Variants in NFE2L3 observed in about 807,000 individuals in gnomAD.
NFE2L3 encodes the protein nuclear factor erythroid 2-related factor 3.
A neutral mutation model predicts 23.5 loss-of-function variants in NFE2L3; 18 were observed. That is an observed-to-expected ratio of 0.77 (90% CI 0.53 to 1.13). The LOEUF is 1.13. Ranked by LOEUF, NFE2L3 falls within the 50% of genes most tolerant of loss-of-function variation. The probability of loss-of-function intolerance (pLI) is 0.00; values close to 1 mark genes in which losing one functional copy is unlikely to be tolerated. For synonymous variants in NFE2L3, 424 were observed against 354.5 expected (o/e 1.20, Z -2.20); for missense variants, 1,152 against 877.2 (o/e 1.31, Z -3.96).
chr7:26,153,707 C>T (rs911830367), intron 1 of NFE2L3, among the ~76,000 whole-genome samples: 2 of 152,192 alleles, frequency 1.3e-5, no homozygotes, highest in African/African-American at 2.4e-5. Flanking sequence ...GGTACCTTGG[C>T]AGTCACTTAG....
intron 2 of NFE2L3, among the ~76,000 whole-genome samples, chr7:26,179,838 T>TA (rs1784475379): frequency 6.6e-6 from 1 of 152,226 alleles, no homozygotes; most frequent in Non-Finnish European, 1.5e-5. Flanking sequence ...ATTGTTTCTC[T>TA]TGACCACGCG....
At chr7:26,175,853 C>CTTTTTTT (rs70943276) in intron 1 of NFE2L3, among the ~76,000 whole-genome samples, 26 of 111,574 alleles carry the variant, frequency 2.3e-4, no homozygotes, top group Admixed American at 3.8e-4. Context: ...ATTTTCTTTT[C>CTTTTTTT]TTTTTTTTTT....
chr7:26,164,241 C>A (rs943430412), intron 1 of NFE2L3, among the ~76,000 whole-genome samples: 15 of 152,198 alleles, frequency 9.9e-5, no homozygotes, highest in Non-Finnish European at 2.1e-4. Context: ...CACTGACTTC[C>A]ACAATGGTTG....
rs1434704002 is a variant in NFE2L3 at position 26,185,121 on chromosome 7, CTT to C, written c.1425_1426del (p.Cys476SerfsTer6). On this transcript the variant is annotated frameshift_variant, in exon 4 of 4. Coordinates refer to ENST00000056233, the MANE Select transcript of NFE2L3 (RefSeq NM_004289.7). LOFTEE classifies it low-confidence loss of function (END_TRUNC). ...TGGCTACTACCCAGAACCCAGTAAG[CTT>C]TGTCACTTGGATCAAAGTGATTCTG... ...VGGYYPEPSK[L>X]CHLDQSDSDF... The C allele has an allele frequency of 6.2e-7, 1 of 1,613,900 alleles. No homozygotes were observed. The highest frequency in any genetic ancestry group is 1.1e-5 in the South Asian group (1 of 91,068).
rs756320638 is a variant in NFE2L3, at chr7:26,185,530, G to T, written c.1832G>T (p.Cys611Phe). ...ATTTTGAATTTAGAAGATGATGTAT[G>T]TAACTTGCAAGCAAAGAAGGAAACT... ...DIILNLEDDV[C>F]NLQAKKETLK... The change falls in exon 4 of 4, where the codon TGT becomes TTT. Residue 611 changes from cysteine (C) to phenylalanine (F), a missense_variant. Coordinates refer to ENST00000056233, the MANE Select transcript of NFE2L3 (RefSeq NM_004289.7). 1.2e-6 allele frequency: 2 copies of T among 1,613,906 alleles called. No individual in the cohort carries two copies. Among genetic ancestry groups the T allele is most frequent in the Non-Finnish European group, 1.7e-6 (2 of 1,179,810 alleles).
intron 2 of NFE2L3, among the ~76,000 whole-genome samples, chr7:26,178,496 C>G (rs942921290): frequency 6.6e-6 from 1 of 152,124 alleles, no homozygotes; most frequent in African/African-American, 2.4e-5. Flanking sequence ...GAGAGCAAGC[C>G]GAGGACCAAC....
chr7:26,181,910 AATTATCT>A (rs1784520135), intron 2 of NFE2L3, among the ~76,000 whole-genome samples: 2 of 152,122 alleles, frequency 1.3e-5, no homozygotes, highest in Admixed American at 1.3e-4. Context: ...GATCTAAGAA[AATTATCT>A]AGAATATACC....
intron 3 of NFE2L3, 30 bp downstream of exon 3, chr7:26,183,814 A>C: frequency 6.9e-7 from 1 of 1,440,000 alleles, no homozygotes. Flanking sequence ...TTATCCTCGC[A>C]GGAACATATC....
chr7:26,178,145 GC>G (rs764046101), intron 2 of NFE2L3, 23 bp downstream of exon 2: 1 of 1,591,866 alleles, frequency 6.3e-7, no homozygotes, highest in East Asian at 2.2e-5. Context: ...GAATATTCAA[GC>G]CTTGCCGTTT....
Position 26,152,298 on chromosome 7 carries a change from A to G in NFE2L3, c.-201A>G, listed in dbSNP as rs1241078475. On this transcript the variant is annotated 5_prime_UTR_variant, in exon 1 of 4. Transcript: ENST00000056233. The surrounding 1 kb of genome is among the most constrained non-coding windows in gnomAD (Gnocchi z 4.4). ...CTCCCGATCCCCGGCGGTGCCAGGC[A>G]CGGTGCCGGCTGCCGAGGGAACGCC... The G allele has an allele frequency of 1.5e-5, 4 of 271,802 alleles. No homozygotes were observed. Among genetic ancestry groups the G allele is most frequent in the Admixed American group, 5.4e-5 (1 of 18,632 alleles). 16.8% of individuals were successfully genotyped at this position (271,802 alleles called of 1,614,324 possible). A position where few individuals can be genotyped will look rare whatever the true frequency, so the allele number is the denominator to read the frequency against.
intron 1 of NFE2L3, among the ~76,000 whole-genome samples, chr7:26,156,252 T>G (rs1217867480): frequency 6.6e-6 from 1 of 152,232 alleles, no homozygotes; most frequent in Non-Finnish European, 1.5e-5. Flanking sequence ...AGAACTTGCC[T>G]GTCACTTAAG....
Position 26,152,974 on chromosome 7 carries a change from C to G in NFE2L3, c.476C>G (p.Ala159Gly), listed in dbSNP as rs1047779260. Reference sequence around the variant, plus strand: ...CAGGGGGGCGGCGGGGACCCCCGAGCGGCTCGGAGTGGCCCCTTGGACGCC... The same window carrying G: ...CAGGGGGGCGGCGGGGACCCCCGAGGGGCTCGGAGTGGCCCCTTGGACGCC... ...AVQGGGGDPR[A>G]ARSGPLDAGE... The change falls in exon 1 of 4, where the codon GCG becomes GGG. Residue 159 changes from alanine to glycine, a missense_variant. By Grantham distance (60) the Ala-to-Gly change is moderately conservative. Transcript: ENST00000056233. This position sits in a 1 kb window ranked among gnomAD's most constrained non-coding sequence, Gnocchi z 4.4. The G allele has an allele frequency of 2.0e-6, 3 of 1,496,672 alleles. No homozygotes were observed. The East Asian group carries it at 8.5e-5, about 42-fold the overall frequency. 92.7% of individuals were successfully genotyped at this position (1,496,672 alleles called of 1,614,324 possible).
rs531442726 is a variant in NFE2L3, at chr7:26,152,612, G to T, written c.114G>T (p.Pro38=). Residue 38 remains proline (P), a synonymous_variant, in exon 1 of 4, where the codon CCG becomes CCT. Transcript: ENST00000056233. This position sits in a 1 kb window ranked among gnomAD's most constrained non-coding sequence, Gnocchi z 4.4. ...VDLDLYLLLP[P]PTLLQDELLF... ...TAGATCTTTACCTGCTGCTGCCGCC[G>T]CCCACCCTGCTGCAGGACGAGCTGC... The T allele has an allele frequency of 2.5e-5, 39 of 1,539,504 alleles. No homozygotes were observed. Among genetic ancestry groups the T allele is most frequent in the Admixed American group, 1.2e-4 (6 of 52,114 alleles).
Position 26,184,523 on chromosome 7 carries a change from C to T in NFE2L3, c.835-10C>T, listed in dbSNP as rs750545762. ...ATTCATGTTTGAAGTGTTTCTCCTT[C>T]GTTTTTCAGGGCATCTCATTGGGAG... On this transcript the variant is annotated splice_polypyrimidine_tract_variant and intron_variant, in intron 3 of 3. Transcript: ENST00000056233. 10 of 1,595,738 alleles carry T rather than the reference C, an allele frequency of 6.3e-6. No individual in the cohort carries two copies. In the African/African-American group the frequency reaches 6.7e-5, roughly 11 times the overall value.
chr7:26,156,273 G>T (rs1428062481), intron 1 of NFE2L3, among the ~76,000 whole-genome samples: 2 of 152,176 alleles, frequency 1.3e-5, no homozygotes, highest in African/African-American at 2.4e-5. Context: ...TGCTTAGTTA[G>T]TAAATGTTAG....
At position 26,186,176 on chromosome 7, in the gene NFE2L3, C is replaced by T. The variant is rs936176925; in HGVS notation, c.*393C>T. The T allele has an allele frequency of 3.1e-5, 5 of 159,712 alleles. No individual in the cohort carries two copies. Among genetic ancestry groups the T allele is most frequent in the Non-Finnish European group, 5.5e-5 (4 of 73,364 alleles). 9.9% of individuals were successfully genotyped at this position (159,712 alleles called of 1,614,324 possible). On this transcript the variant is annotated 3_prime_UTR_variant, in exon 4 of 4. Coordinates refer to ENST00000056233, the MANE Select transcript of NFE2L3 (RefSeq NM_004289.7). ...ATTTCAGTTTTAAATGCAAAATAGC[C>T]TTATTTTCATTTAGTTTGTTAGCAC...
chr7:26,173,188 T>C (rs1277830271), intron 1 of NFE2L3, among the ~76,000 whole-genome samples: 2 of 152,206 alleles, frequency 1.3e-5, no homozygotes, highest in African/African-American at 4.8e-5. Flanking sequence ...CTCCAGTCCT[T>C]CTCTTCCTGA....
rs1399587647 is a variant in NFE2L3, at chr7:26,171,475, T to C, written c.571-6468T>C. Among the ~76,000 whole-genome samples, 12 of 149,276 alleles carry C rather than the reference T, an allele frequency of 8.0e-5. No individual in the cohort carries two copies. In the Admixed American group the frequency reaches 8.1e-4, roughly 10 times the overall value. ...AGGAGAATCGCTGGAACCCTGCAGG[T>C]GGAGGTTGCGGTGAGCTGAGATCGC... On this transcript the variant is annotated intron_variant, in intron 1 of 3. Coordinates refer to ENST00000056233, the MANE Select transcript of NFE2L3 (RefSeq NM_004289.7).
At chr7:26,172,369 G>C (rs984965316) in intron 1 of NFE2L3, among the ~76,000 whole-genome samples, 1 of 152,056 alleles carries the variant, frequency 6.6e-6, no homozygotes, top group African/African-American at 2.4e-5. Flanking sequence ...TATTAATAAC[G>C]ATGTCTCTCT....
Sources: allele counts gnomAD v4.1 joint callset (sites outside exome capture counted in the v4.1 genomes callset), GRCh38; gene constraint gnomAD v4.1.1; non-coding constraint Gnocchi (gnomAD v3.1); transcripts MANE v1.5; gene names NCBI Gene and HGNC (gene_info 2026-07-23, HGNC 2026-07-21).